The following NPAS3 variants were observed in gnomAD, a reference collection of about 807,000 sequenced individuals.
NPAS3 encodes the protein neuronal PAS domain protein 3.
In NPAS3, 14 loss-of-function variants were observed where a neutral mutation model predicts 73.1. The ratio of observed to expected loss-of-function variants is 0.19; its 90% CI spans 0.13 to 0.30. The LOEUF (loss-of-function observed/expected upper bound fraction) is 0.30, where lower values mean the gene tolerates loss of function less well. Among genes scored for constraint, NPAS3 ranks in the 10% least tolerant of loss-of-function variants. The pLI is 1.00. For missense variants in NPAS3, 1,096 were observed against 1,250.0 expected (o/e 0.88, Z 1.86); for synonymous variants, 620 against 541.5 (o/e 1.14, Z -2.01).
chr14:33,003,841 A>G (rs1175157276), intron 1 of NPAS3, among the ~76,000 whole-genome samples: 2 of 152,210 alleles, frequency 1.3e-5, no homozygotes, highest in Non-Finnish European at 2.9e-5. Flanking sequence ...TTGATATTCT[A>G]GTCTTTTAAA....
At chr14:33,151,748 G>A (rs990372398) in intron 2 of NPAS3, among the ~76,000 whole-genome samples, 1 of 152,088 alleles carries the variant, frequency 6.6e-6, no homozygotes, top group African/African-American at 2.4e-5. Flanking sequence ...TAGGTGAGAG[G>A]ATATGTTCCT....
At chr14:33,523,443 C>A (rs1200841100) in intron 4 of NPAS3, among the ~76,000 whole-genome samples, 1 of 139,044 alleles carries the variant, frequency 7.2e-6, no homozygotes, top group Non-Finnish European at 1.5e-5. Flanking sequence ...CAGAGCGAGA[C>A]TCTGTCTCAA....
intron 3 of NPAS3, among the ~76,000 whole-genome samples, chr14:33,239,297 A>G (rs563664482): frequency 6.6e-6 from 1 of 152,004 alleles, no homozygotes; most frequent in South Asian, 2.1e-4. Context: ...CATCCAACAG[A>G]TAATTACTGA....
chr14:33,616,090 G>A (rs2057907806), intron 5 of NPAS3, among the ~76,000 whole-genome samples: 1 of 152,104 alleles, frequency 6.6e-6, no homozygotes, highest in Non-Finnish European at 1.5e-5. Context: ...TCAACCTCCT[G>A]GGATGAAGAT....
chr14:32,938,878 C>T (rs2035826851), upstream of NPAS3, among the ~76,000 whole-genome samples: 1 of 146,316 alleles, frequency 6.8e-6, no homozygotes, highest in South Asian at 2.1e-4. Context: ...CCGCCGCCGC[C>T]GCCGGTCGCC....
intron 4 of NPAS3, among the ~76,000 whole-genome samples, chr14:33,412,027 G>A (rs1199810380): frequency 6.6e-6 from 1 of 152,134 alleles, no homozygotes; most frequent in Non-Finnish European, 1.5e-5. Context: ...CTAACACTTT[G>A]ACTATGTGTC....
At chr14:33,271,735 T>C (rs2041093757) in intron 3 of NPAS3, among the ~76,000 whole-genome samples, 1 of 152,120 alleles carries the variant, frequency 6.6e-6, no homozygotes, top group African/African-American at 2.4e-5. Flanking sequence ...ATAATTAAAT[T>C]AGCACTTTTC....
At position 33,731,423 on chromosome 14, in the gene NPAS3, GAAAA is replaced by G. The variant is rs11322471; in HGVS notation, c.734-3777_734-3774del. On this transcript the variant is annotated intron_variant, in intron 6 of 11. Transcript: ENST00000356141. The stretch of plus-strand genomic sequence containing the variant: ...GACAGAGGAAGACCCTGTCTCATTT[GAAAA>G]AAAAAAAAAAAAAGAGAGAGAGAAA... Among the ~76,000 whole-genome samples the G allele has an allele frequency of 4.1e-5, 5 of 121,610 alleles. No homozygotes were observed. The East Asian group carries it at 7.0e-4, about 17-fold the overall frequency. The allele number at this position is 121,610 out of a possible 152,430, so 79.8% of individuals were successfully genotyped here. A position where few individuals can be genotyped will look rare whatever the true frequency, so the allele number is the denominator to read the frequency against.
intron 3 of NPAS3, among the ~76,000 whole-genome samples, chr14:33,308,470 T>G (rs1235220115): frequency 6.7e-6 from 1 of 149,688 alleles, no homozygotes; most frequent in Admixed American, 6.7e-5. Context: ...TTTGGAAATT[T>G]GAAAATAGCC....
intron 7 of NPAS3, among the ~76,000 whole-genome samples, chr14:33,773,984 G>A (rs1312104689): frequency 1.3e-5 from 2 of 152,076 alleles, no homozygotes; most frequent in Admixed American, 6.5e-5. Flanking sequence ...GACAGATGTC[G>A]TCCATTAATA....
chr14:33,059,981 C>T (rs1218458578), intron 2 of NPAS3, among the ~76,000 whole-genome samples: 1 of 152,018 alleles, frequency 6.6e-6, no homozygotes, highest in Non-Finnish European at 1.5e-5. Flanking sequence ...CAAGGTCTTA[C>T]TCTGTTACCC....
At chr14:33,245,608 A>C (rs1308185685) in intron 3 of NPAS3, among the ~76,000 whole-genome samples, 2 of 152,200 alleles carry the variant, frequency 1.3e-5, no homozygotes, top group African/African-American at 4.8e-5. Flanking sequence ...ACCAGATAGG[A>C]ATATGAAATG....
intron 2 of NPAS3, among the ~76,000 whole-genome samples, chr14:33,107,717 A>G (rs943920439): frequency 1.3e-5 from 2 of 152,114 alleles, no homozygotes; most frequent in Non-Finnish European, 2.9e-5. Context: ...GAAAAAACAT[A>G]TTTTCTACAA....
intron 4 of NPAS3, among the ~76,000 whole-genome samples, chr14:33,536,832 A>C (rs11156800): frequency 0.18 from 27,556 of 152,032 alleles, 3,354 homozygotes; most frequent in African/African-American, 0.35. Flanking sequence ...TCCAACTAAA[A>C]CATAGGTCCA....
intron 4 of NPAS3, among the ~76,000 whole-genome samples, chr14:33,462,730 G>A (rs1566925222): frequency 6.6e-6 from 1 of 152,198 alleles, no homozygotes; most frequent in South Asian, 2.1e-4. Context: ...GCTGATGTTT[G>A]AAGTCCTAAT....
intron 6 of NPAS3, among the ~76,000 whole-genome samples, chr14:33,679,943 G>C (rs2059886241): frequency 6.6e-6 from 1 of 152,186 alleles, no homozygotes; most frequent in African/African-American, 2.4e-5. Context: ...GAAATCTTAA[G>C]TCAGGCAAAA....
intron 3 of NPAS3, among the ~76,000 whole-genome samples, chr14:33,301,855 C>T (rs1035936714): frequency 2.6e-5 from 4 of 152,082 alleles, no homozygotes; most frequent in African/African-American, 7.2e-5. Context: ...ATTGTTTTCC[C>T]ATGGTGTAAT....
chr14:33,561,813 T>G (rs936040712), intron 5 of NPAS3, among the ~76,000 whole-genome samples: 4 of 152,210 alleles, frequency 2.6e-5, no homozygotes, highest in Admixed American at 2.0e-4. Flanking sequence ...TAAATGCTAA[T>G]TAGGGAACTC....
At chr14:33,338,080 A>G (rs2044308887) in intron 3 of NPAS3, among the ~76,000 whole-genome samples, 1 of 151,788 alleles carries the variant, frequency 6.6e-6, no homozygotes, top group African/African-American at 2.4e-5. Flanking sequence ...TTCTTGCCTT[A>G]TTACATTGGT....
Sources: gnomAD v4.1 joint callset for allele counts (sites outside exome capture counted in the v4.1 genomes callset) on GRCh38, gnomAD v4.1.1 for gene constraint, MANE v1.5 for transcripts, NCBI Gene and HGNC (gene_info 2026-07-23, HGNC 2026-07-21) for gene names.